The following TLDC2 variants were observed in gnomAD, a reference collection of about 807,000 sequenced individuals.
TLDC2 encodes the protein TLD domain-containing protein 2.
In TLDC2, 23 loss-of-function variants were observed where a neutral mutation model predicts 27.9. The ratio of observed to expected loss-of-function variants is 0.82; its 90% confidence interval spans 0.59 to 1.17. TLDC2 has a LOEUF of 1.17. Among genes scored for constraint, TLDC2 ranks in the 50% most tolerant of loss-of-function variants. The probability of loss-of-function intolerance (pLI) is 0.00; values close to 1 mark genes in which losing one functional copy is unlikely to be tolerated. For missense variants in TLDC2, 286 were observed against 273.4 expected, an observed-to-expected ratio of 1.05 and a Z score of -0.32; for synonymous variants, 124 against 107.4, an observed-to-expected ratio of 1.16 and a Z score of -0.96.
intron 6 of TLDC2, chr20:36,890,390 TTCTTTC>T (rs1272713328): frequency 2.2e-3 from 43 of 19,748 alleles, no homozygotes; most frequent in Middle Eastern, 0.056. Context: ...GCAAAGATAT[TTCTTTC>T]TCTTTCTTTC....
chr20:36,884,004 G>T (rs1166495354), intron 4 of TLDC2, among the ~76,000 whole-genome samples: 1 of 152,228 alleles, frequency 6.6e-6, no homozygotes, highest in Non-Finnish European at 1.5e-5. Flanking sequence ...TGAGGCATGA[G>T]AATCTCTTGA....
At chr20:36,889,111 T>C in intron 5 of TLDC2, 140 bp from the exon 6 acceptor site, 3 of 1,085,460 alleles carry the variant, frequency 2.8e-6, no homozygotes, top group Non-Finnish European at 4.0e-6. Context: ...AATAATTCAG[T>C]ATAAATTGCT....
Position 36,894,061 on chromosome 20 carries a change from C to T in TLDC2, c.*1217C>T. ...GCCCCAGCTCCTGGACTCCCACCTGCTCCCTTGGTCTCTCCTATCCTAGAG... is the reference window on the plus strand; with the variant it reads ...GCCCCAGCTCCTGGACTCCCACCTGTTCCCTTGGTCTCTCCTATCCTAGAG... On this transcript the variant is annotated 3_prime_UTR_variant, in exon 7 of 7. Transcript: ENST00000217320. 2.5e-6 allele frequency: 1 copy of T among 396,896 alleles called. No individual in the cohort carries two copies. Among genetic ancestry groups the T allele is most frequent in the Non-Finnish European group, 4.4e-6 (1 of 225,360 alleles). 24.6% of individuals were successfully genotyped at this position (396,896 alleles called of 1,614,324 possible).
chr20:36,889,016 C>T (rs897002470), intron 5 of TLDC2, among the ~76,000 whole-genome samples: 2 of 151,920 alleles, frequency 1.3e-5, no homozygotes, highest in African/African-American at 4.8e-5. Context: ...AGCAAGACTC[C>T]GTTTCAATAA....
chr20:36,878,923 T>G (rs754841021), intron 2 of TLDC2, 118 bp from the exon 3 acceptor site: 265 of 1,467,816 alleles, frequency 1.8e-4, no homozygotes, highest in Non-Finnish European at 2.3e-4. Context: ...AACAGCAAAC[T>G]GCTCTATCGC....
At position 36,893,476 on chromosome 20, in the gene TLDC2, G is replaced by T; in HGVS notation, c.*632G>T. 1 of 284,392 alleles carries T rather than the reference G, an allele frequency of 3.5e-6. No homozygotes were observed. The allele number at this position is 284,392 out of a possible 1,614,324, so 17.6% of individuals were successfully genotyped here. A position where few individuals can be genotyped will look rare whatever the true frequency, so the allele number is the denominator to read the frequency against. On this transcript the variant is annotated 3_prime_UTR_variant, in exon 7 of 7. Transcript: ENST00000217320. ...CCAGGTCTACAAGATGGCAAAGAAG[G>T]GGAGGAAGAACAGTATGTACCTGCA...
Position 36,893,191 on chromosome 20 carries a change from A to G in TLDC2, c.*347A>G. On this transcript the variant is annotated 3_prime_UTR_variant, in exon 7 of 7. Coordinates refer to ENST00000217320, the MANE Select transcript of TLDC2 (RefSeq NM_080628.3). ...TATAGATTGCTTCTAGCTGTCCTCA[A>G]TCCAGGGAAACTCCAAATTACATAT... is the stretch of plus-strand genomic sequence containing the variant. 8.3e-7 allele frequency: 1 copy of G among 1,208,870 alleles called. No individual in the cohort carries two copies. The highest frequency in any genetic ancestry group is 1.2e-6 in the Non-Finnish European group (1 of 841,748). 74.9% of individuals were successfully genotyped at this position (1,208,870 alleles called of 1,614,324 possible). A position where few individuals can be genotyped will look rare whatever the true frequency, so the allele number is the denominator to read the frequency against.
chr20:36,889,490 A>G, intron 6 of TLDC2, 87 bp downstream of exon 6: 2 of 1,455,428 alleles, frequency 1.4e-6, no homozygotes, highest in Non-Finnish European at 1.8e-6. Flanking sequence ...GAAGGGCCCT[A>G]GAGTTGGCCG....
rs1300095314 is a variant in TLDC2, at chr20:36,879,065, G to A, written c.214G>A (p.Val72Ile). 6.2e-7 allele frequency: 1 copy of A among 1,614,098 alleles called. No homozygotes were observed. Among genetic ancestry groups the A allele is most frequent in the African/African-American group, 1.3e-5 (1 of 74,934 alleles). ...RQLSFHFPPR[V>I]TGHPWSLVFC... The stretch of plus-strand genomic sequence containing the variant: ...GCTCAGCTTTCACTTCCCACCAAGA[G>A]TCACCGGCCATCCCTGGAGTCTGGT... Residue 72 changes from valine to isoleucine, a missense_variant, in exon 3 of 7, where the codon GTC (valine) becomes ATC (isoleucine). Val to Ile is a conservative substitution (Grantham distance 29). Transcript: ENST00000217320.
Position 36,880,664 on chromosome 20 carries a change from G to A in TLDC2, c.352G>A (p.Ala118Thr), listed in dbSNP as rs1300953537. ...LRDQDGQIFG[A>T]FSSSAIRLSK... ...AACTTCCACTTTCCAGATATTTGGA[G>A]CCTTCTCCTCCTCGGCTATCCGACT... Residue 118 changes from alanine (A) to threonine (T), a missense_variant, in exon 4 of 7, where the codon GCC becomes ACC. By Grantham distance (58) the Ala-to-Thr change is moderately conservative. Transcript: ENST00000217320. 1.2e-6 allele frequency: 2 copies of A among 1,613,996 alleles called. No homozygotes were observed. The highest frequency in any genetic ancestry group is 1.7e-6 in the Non-Finnish European group (2 of 1,180,002).
chr20:36,885,445 G>A (rs980145497), intron 4 of TLDC2, among the ~76,000 whole-genome samples: 1 of 152,190 alleles, frequency 6.6e-6, no homozygotes, highest in Non-Finnish European at 1.5e-5. Flanking sequence ...TATTCCTCAT[G>A]AATTCGGTAG....
At chr20:36,891,957 C>G (rs1990085208) in intron 6 of TLDC2, 1 of 152,364 alleles carries the variant, frequency 6.6e-6, no homozygotes, top group African/African-American at 2.4e-5. Context: ...GGCCAGCTCT[C>G]CAGGATACTG....
chr20:36,889,280 A>C lies in TLDC2; in HGVS notation c.542A>C (p.Asp181Ala). 1 of 1,614,024 alleles carries C rather than the reference A, an allele frequency of 6.2e-7. No homozygotes were observed. The highest frequency in any genetic ancestry group is 8.5e-7 in the Non-Finnish European group (1 of 1,179,972). The change falls in exon 6 of 7, where the codon GAC becomes GCC. Residue 181 changes from aspartate (D) to alanine (A), a missense_variant. Transcript: ENST00000217320. ...CGGTTTGGGCTGTGGTTGGATGGAG[A>C]CTTGTTCCGCGGGGGAAGCTCCCCT... ...SGRFGLWLDG[D>A]LFRGGSSPCP...
rs767039455 is a variant in TLDC2, at chr20:36,878,020, C to T, written c.155C>T (p.Ala52Val). Residue 52 changes from alanine (A) to valine (V), a missense_variant, in exon 2 of 7, where the codon GCC (alanine) becomes GTC (valine). By Grantham distance (64) the Ala-to-Val change is moderately conservative. Transcript: ENST00000217320. ...CCCACGGTGCCCCAGCTGACAGAAG[C>T]CAGCCAGGTTTTGAGTGCCTCAGAG... ...EDPTVPQLTE[A>V]SQVLSASEIR... 84 of 1,613,872 alleles carry T rather than the reference C, an allele frequency of 5.2e-5. 1 individual carries two copies. In the South Asian group the frequency reaches 8.1e-4, roughly 16 times the overall value.
At position 36,889,299 on chromosome 20, in the gene TLDC2, C is replaced by G; in HGVS notation, c.561C>G (p.Ser187Arg). The G allele has an allele frequency of 6.2e-7, 1 of 1,614,186 alleles. No individual in the cohort carries two copies. Among genetic ancestry groups the G allele is most frequent in the Non-Finnish European group, 8.5e-7 (1 of 1,180,016 alleles). ...WLDGDLFRGG[S>R]SPCPTFNNEV... ...ATGGAGACTTGTTCCGCGGGGGAAG[C>G]TCCCCTTGCCCGACCTTCAACAACG... The change falls in exon 6 of 7, where the codon AGC becomes AGG. Residue 187 changes from serine to arginine, a missense_variant. By Grantham distance (110) the Ser-to-Arg change is moderately radical. Coordinates refer to ENST00000217320, the MANE Select transcript of TLDC2 (RefSeq NM_080628.3).
intron 4 of TLDC2, among the ~76,000 whole-genome samples, chr20:36,884,362 G>C (rs1187926666): frequency 6.6e-6 from 1 of 152,146 alleles, no homozygotes; most frequent in Non-Finnish European, 1.5e-5. Flanking sequence ...ATTCTGCCTA[G>C]AATGTCCCTC....
chr20:36,893,093 C>T lies in TLDC2; in HGVS notation c.*249C>T, dbSNP rs200106463. 7.5e-6 allele frequency: 12 copies of T among 1,610,066 alleles called. No homozygotes were observed. The highest frequency in any genetic ancestry group is 1.7e-5 in the Admixed American group (1 of 59,952). ...TATTAGGAAGAGAGAGAAAAACAGGCAATAGAGAAAAGCCAGTTTCCATCA... is the reference window on the plus strand; with the variant it reads ...TATTAGGAAGAGAGAGAAAAACAGGTAATAGAGAAAAGCCAGTTTCCATCA... On this transcript the variant is annotated 3_prime_UTR_variant, in exon 7 of 7. Coordinates refer to ENST00000217320, the MANE Select transcript of TLDC2 (RefSeq NM_080628.3).
At chr20:36,891,508 G>GCT (rs1990072883) in intron 6 of TLDC2, 1 of 152,554 alleles carries the variant, frequency 6.6e-6, no homozygotes, top group African/African-American at 2.4e-5. Flanking sequence ...ACCAGCTTTG[G>GCT]CTCTAACTGC....
rs372876031 is a variant in TLDC2, at chr20:36,894,230, A to T, written c.*1386A>T. 2.2e-4 allele frequency: 65 copies of T among 290,370 alleles called. No homozygotes were observed. In the South Asian group the frequency reaches 2.6e-3, roughly 11 times the overall value. 18.0% of individuals were successfully genotyped at this position (290,370 alleles called of 1,614,324 possible). On this transcript the variant is annotated 3_prime_UTR_variant, in exon 7 of 7. Transcript: ENST00000217320. Reference sequence around the variant, plus strand: ...GATAGAACTATTAAAAATAGTTTTTAAAAAATGTGTTATTATTTTTTTTTG... The same window carrying T: ...GATAGAACTATTAAAAATAGTTTTTTAAAAATGTGTTATTATTTTTTTTTG...
Sources: gnomAD v4.1 joint callset for allele counts (sites outside exome capture counted in the v4.1 genomes callset) on GRCh38, gnomAD v4.1.1 for gene constraint, MANE v1.5 for transcripts, NCBI Gene and HGNC (gene_info 2026-07-23, HGNC 2026-07-21) for gene names.